The following SLC25A37 variants were observed in gnomAD, a reference collection of about 807,000 sequenced individuals.
SLC25A37 encodes the protein solute carrier family 25 member 37.
A neutral mutation model predicts 31.0 loss-of-function variants in SLC25A37; 17 were observed. The ratio of observed to expected loss-of-function variants is 0.55; its 90% confidence interval spans 0.38 to 0.82. The LOEUF (loss-of-function observed/expected upper bound fraction) is 0.82, where lower values mean the gene tolerates loss of function less well. Among genes scored for constraint, SLC25A37 ranks in the 40% least tolerant of loss-of-function variants. SLC25A37 has a pLI of 0.00. For synonymous variants in SLC25A37, 222 were observed against 193.0 expected (o/e 1.15, Z -1.24); for missense variants, 404 against 465.8 (o/e 0.87, Z 1.22).
At chr8:23,563,838 G>A (rs909445798) in intron 1 of SLC25A37, among the ~76,000 whole-genome samples, 3 of 152,130 alleles carry the variant, frequency 2.0e-5, no homozygotes, top group African/African-American at 7.2e-5. Flanking sequence ...AAAATTAGCT[G>A]GGCGTGGTGG....
chr8:23,564,912 C>G (rs1334782160), intron 1 of SLC25A37, among the ~76,000 whole-genome samples: 4 of 152,210 alleles, frequency 2.6e-5, no homozygotes, highest in South Asian at 4.2e-4. Flanking sequence ...ACCTACCTAC[C>G]TACCTATCTG....
chr8:23,550,194 A>C (rs1802185560), intron 1 of SLC25A37, among the ~76,000 whole-genome samples: 1 of 135,944 alleles, frequency 7.4e-6, no homozygotes, highest in African/African-American at 3.3e-5. Context: ...AAAAAAAAAA[A>C]AAAAAAACAC....
chr8:23,541,170 CAG>C (rs1437485024), intron 1 of SLC25A37, among the ~76,000 whole-genome samples: 1 of 152,064 alleles, frequency 6.6e-6, no homozygotes, highest in African/African-American at 2.4e-5. Context: ...GTAATGTAGA[CAG>C]GGGATAGTAG....
intron 1 of SLC25A37, among the ~76,000 whole-genome samples, chr8:23,538,588 C>A (rs17698981): frequency 0.14 from 21,292 of 151,162 alleles, 1,929 homozygotes; most frequent in Admixed American, 0.25. Flanking sequence ...AGCTATACCC[C>A]GATGAGGCAA....
chr8:23,537,889 C>T (rs1801803138), intron 1 of SLC25A37, among the ~76,000 whole-genome samples: 2 of 152,128 alleles, frequency 1.3e-5, no homozygotes, highest in African/African-American at 4.8e-5. Flanking sequence ...CCTGATAATC[C>T]CTCAGCACTT....
chr8:23,570,242 A>T (rs1321208501), intron 3 of SLC25A37, among the ~76,000 whole-genome samples: 3 of 152,104 alleles, frequency 2.0e-5, no homozygotes, highest in African/African-American at 7.2e-5. Context: ...CAAAGTAGAG[A>T]GCTGAGAAAG....
intron 2 of SLC25A37, 28 bp downstream of exon 2, chr8:23,566,364 A>C (rs1262731532): frequency 6.3e-7 from 1 of 1,591,744 alleles, no homozygotes; most frequent in Admixed American, 1.9e-5. Flanking sequence ...GTCTGGAGTT[A>C]GAAAGTTCTC....
intron 3 of SLC25A37, among the ~76,000 whole-genome samples, chr8:23,569,427 A>ACACACACACACACACACT (rs1182003929): frequency 2.6e-5 from 4 of 151,268 alleles, no homozygotes; most frequent in African/African-American, 7.3e-5. Context: ...ACACACACAC[A>ACACACACACACACACACT]CTCACTCTCT....
intron 2 of SLC25A37, chr8:23,566,661 T>C (rs9462): frequency 9.3e-7 from 1 of 1,072,754 alleles, no homozygotes; most frequent in African/African-American, 1.7e-5. Flanking sequence ...AAGCAATTAA[T>C]GATCAGACAT....
chr8:23,559,371 G>A (rs992800723), intron 1 of SLC25A37, among the ~76,000 whole-genome samples: 3 of 152,018 alleles, frequency 2.0e-5, no homozygotes, highest in East Asian at 3.9e-4. Flanking sequence ...GTGCGCGCGC[G>A]CGTGTGTGTG....
At chr8:23,532,850 G>C (rs1801689134) in intron 1 of SLC25A37, among the ~76,000 whole-genome samples, 1 of 152,224 alleles carries the variant, frequency 6.6e-6, no homozygotes, top group African/African-American at 2.4e-5. Flanking sequence ...CTGGTAGGAA[G>C]GGTGCTGGGG....
intron 1 of SLC25A37, among the ~76,000 whole-genome samples, chr8:23,538,547 T>TGTG (rs1563251552): frequency 0.05 from 7,251 of 145,426 alleles, 389 homozygotes; most frequent in African/African-American, 0.11. Context: ...GTGTGTGTGT[T>TGTG]TGTGTGTGTG....
intron 1 of SLC25A37, among the ~76,000 whole-genome samples, chr8:23,545,335 C>T (rs1263139599): frequency 6.6e-6 from 1 of 152,242 alleles, no homozygotes; most frequent in African/African-American, 2.4e-5. Flanking sequence ...TAGCCTTCCT[C>T]TCTCAGAGAT....
chr8:23,563,940 C>T (rs920249156), intron 1 of SLC25A37, among the ~76,000 whole-genome samples: 4 of 152,142 alleles, frequency 2.6e-5, no homozygotes, highest in Admixed American at 1.3e-4. Flanking sequence ...GAGATTGTGC[C>T]ACTGCACTCC....
intron 1 of SLC25A37, among the ~76,000 whole-genome samples, chr8:23,535,177 C>T (rs1801740532): frequency 6.6e-6 from 1 of 152,218 alleles, no homozygotes; most frequent in South Asian, 2.1e-4. Flanking sequence ...GCTTGCCCCA[C>T]CTGGGTCCTG....
chr8:23,549,475 C>T (rs1485647794), intron 1 of SLC25A37, among the ~76,000 whole-genome samples: 1 of 152,170 alleles, frequency 6.6e-6, no homozygotes, highest in Non-Finnish European at 1.5e-5. Flanking sequence ...GTAATTTGTA[C>T]CTATTGTCTA....
chr8:23,560,548 G>A (rs1481949552), intron 1 of SLC25A37, among the ~76,000 whole-genome samples: 2 of 152,220 alleles, frequency 1.3e-5, no homozygotes, highest in Admixed American at 1.3e-4. Context: ...CTGCAGGCAG[G>A]TGGAAGAAAT....
intron 1 of SLC25A37, among the ~76,000 whole-genome samples, chr8:23,564,844 T>C (rs1018309065): frequency 7.9e-5 from 12 of 151,888 alleles, no homozygotes; most frequent in African/African-American, 2.7e-4. Context: ...TGTCTGTCTG[T>C]CTACCTACCT....
At chr8:23,546,539 ATATATATATATATAGTG>A (rs1158304084) in intron 1 of SLC25A37, among the ~76,000 whole-genome samples, 1,311 of 24,414 alleles carry the variant, frequency 0.054, 23 homozygotes, top group Non-Finnish European at 0.068. Flanking sequence ...GTGTATATAT[ATATATATATATATAGTG>A]TATATATATA....
Sources: allele counts gnomAD v4.1 joint callset (sites outside exome capture counted in the v4.1 genomes callset), GRCh38; gene constraint gnomAD v4.1.1; transcripts MANE v1.5; gene names NCBI Gene and HGNC (gene_info 2026-07-23, HGNC 2026-07-21).